SNAP23: variants seen among roughly 807,000 people sequenced by gnomAD.
SNAP23 encodes the protein synaptosome associated protein 23, also known as synaptosomal-associated protein 23.
Under a neutral mutation model 29.0 loss-of-function variants are expected in SNAP23, and 11 were observed. The observed-to-expected ratio is 0.38, with a 90% CI of 0.24 to 0.63. The LOEUF (loss-of-function observed/expected upper bound fraction) is 0.63. Ranked by LOEUF, SNAP23 falls within the 20% of genes least tolerant of loss-of-function variation. The probability of loss-of-function intolerance (pLI) is 0.58; values close to 1 mark genes in which losing one functional copy is unlikely to be tolerated. For missense variants in SNAP23, 220 were observed against 253.9 expected (o/e 0.87, Z 0.91); for synonymous variants, 60 against 82.9 (o/e 0.72, Z 1.50).
At chr15:42,524,167 ATTAT>A (rs1439899996) in intron 5 of SNAP23, among the ~76,000 whole-genome samples, 1 of 152,084 alleles carries the variant, frequency 6.6e-6, no homozygotes, top group Non-Finnish European at 1.5e-5. Flanking sequence ...TTCTAGATTA[ATTAT>A]TTAGTGCTCC....
At chr15:42,524,953 G>A (rs1269728161) in intron 5 of SNAP23, among the ~76,000 whole-genome samples, 2 of 152,112 alleles carry the variant, frequency 1.3e-5, no homozygotes, top group African/African-American at 2.4e-5. Flanking sequence ...GAGACGCACT[G>A]AACTGTCCCA....
chr15:42,525,209 A>C (rs1595529164), intron 5 of SNAP23, among the ~76,000 whole-genome samples: 1 of 151,930 alleles, frequency 6.6e-6, no homozygotes, highest in Middle Eastern at 3.4e-3. Context: ...TCTACTAAAA[A>C]TACAAAAAAT....
chr15:42,531,698 G>T lies in SNAP23; in HGVS notation c.*220G>T, dbSNP rs569518773. ...TAGTATTTTCTTTCTCAATTCATAC[G>T]CTTAGATTGGTTTTCATATGTCATG... On this transcript the variant is annotated 3_prime_UTR_variant, in exon 8 of 8. Coordinates refer to ENST00000249647, the MANE Select transcript of SNAP23 (RefSeq NM_003825.4). 1.2e-5 allele frequency: 5 copies of T among 401,568 alleles called. No homozygotes were observed. In the Admixed American group the frequency reaches 2.3e-4, roughly 18 times the overall value. The allele number at this position is 401,568 out of a possible 1,614,324, so 24.9% of individuals were successfully genotyped here. A position where few individuals can be genotyped will look rare whatever the true frequency, so the allele number is the denominator to read the frequency against.
At chr15:42,504,118 C>T (rs1177034907) in intron 1 of SNAP23, among the ~76,000 whole-genome samples, 4 of 151,498 alleles carry the variant, frequency 2.6e-5, no homozygotes, top group African/African-American at 9.7e-5. Flanking sequence ...TCACTTGAGG[C>T]CAGGAGTTTG....
chr15:42,498,993 T>C (rs1328019961), intron 1 of SNAP23, among the ~76,000 whole-genome samples: 2 of 152,192 alleles, frequency 1.3e-5, no homozygotes, highest in Non-Finnish European at 2.9e-5. Context: ...AATTCCTATA[T>C]GTATCTTGAT....
intron 5 of SNAP23, among the ~76,000 whole-genome samples, chr15:42,526,236 G>A (rs767973514): frequency 9.2e-5 from 14 of 151,648 alleles, no homozygotes; most frequent in Non-Finnish European, 2.1e-4. Flanking sequence ...ATTTTGCCTG[G>A]GACCTTTCTT....
intron 5 of SNAP23, among the ~76,000 whole-genome samples, chr15:42,520,661 A>AT (rs1433438141): frequency 6.6e-6 from 1 of 151,614 alleles, no homozygotes; most frequent in Non-Finnish European, 1.5e-5. Flanking sequence ...CACCTGGCTA[A>AT]TTTTTTGTAT....
chr15:42,525,382 A>T (rs1284698216), intron 5 of SNAP23, among the ~76,000 whole-genome samples: 1 of 150,670 alleles, frequency 6.6e-6, no homozygotes, highest in Non-Finnish European at 1.5e-5. Flanking sequence ...AAAAAAAAAA[A>T]AATTCAAAGT....
At chr15:42,528,096 C>A in intron 5 of SNAP23, 166 bp from the exon 6 acceptor site, 1 of 562,574 alleles carries the variant, frequency 1.8e-6, no homozygotes, top group Non-Finnish European at 3.1e-6. Flanking sequence ...TCATCTATTT[C>A]CTATTCCATA....
Position 42,521,332 on chromosome 15 carries a change from TTTTTGCCTTCTCTCA to T in SNAP23, c.266+5980_266+5994del, listed in dbSNP as rs1191571721. On this transcript the variant is annotated intron_variant, in intron 5 of 7. Transcript: ENST00000249647. ...AAGGAGTCTCAAAGCACTCCATTGG[TTTTTGCCTTCTCTCA>T]TATTGTCTAATTTTAGGAAAGAATA... is the stretch of plus-strand genomic sequence containing the variant. The T allele has an allele frequency of 1.8e-5, 6 of 336,180 alleles. No homozygotes were observed. In the East Asian group the frequency reaches 1.0e-3, roughly 57 times the overall value. 20.8% of individuals were successfully genotyped at this position (336,180 alleles called of 1,614,324 possible). A position where few individuals can be genotyped will look rare whatever the true frequency, so the allele number is the denominator to read the frequency against.
chr15:42,512,804 C>T, intron 2 of SNAP23, 151 bp from the exon 3 acceptor site: 1 of 613,448 alleles, frequency 1.6e-6, no homozygotes, highest in Non-Finnish European at 2.9e-6. Flanking sequence ...CCTGCCTCGG[C>T]CTCCCAAAGT....
chr15:42,499,603 T>C (rs2057251675), intron 1 of SNAP23, among the ~76,000 whole-genome samples: 1 of 152,214 alleles, frequency 6.6e-6, no homozygotes, highest in Non-Finnish European at 1.5e-5. Flanking sequence ...ATGGTTTTTA[T>C]GTATTTTATA....
chr15:42,494,353 T>C (rs1486725642), upstream of SNAP23, among the ~76,000 whole-genome samples: 1 of 151,732 alleles, frequency 6.6e-6, no homozygotes, highest in Admixed American at 6.6e-5. Context: ...AGGCTTCATC[T>C]TCCTTGATCC....
intron 1 of SNAP23, among the ~76,000 whole-genome samples, chr15:42,497,589 C>G (rs1249286907): frequency 6.6e-6 from 1 of 152,036 alleles, no homozygotes; most frequent in Non-Finnish European, 1.5e-5. Context: ...ATGATCCACC[C>G]ACCTCATCTT....
intron 1 of SNAP23, among the ~76,000 whole-genome samples, chr15:42,509,422 T>G (rs1318650136): frequency 2.6e-5 from 4 of 152,006 alleles, no homozygotes; most frequent in Non-Finnish European, 5.9e-5. Context: ...ACTAATGGCT[T>G]TAATCAAGGC....
chr15:42,513,967 C>A (rs1052119108), intron 4 of SNAP23, among the ~76,000 whole-genome samples: 25 of 150,714 alleles, frequency 1.7e-4, no homozygotes, highest in African/African-American at 6.0e-4. Context: ...GTGCCCACCA[C>A]CACACCCGGC....
Position 42,532,649 on chromosome 15 carries a change from A to G in SNAP23, c.*1171A>G, listed in dbSNP as rs1423543150. The G allele has an allele frequency of 1.3e-5, 2 of 152,624 alleles. No homozygotes were observed. Among genetic ancestry groups the G allele is most frequent in the African/African-American group, 2.4e-5 (1 of 41,452 alleles). The allele number at this position is 152,624 out of a possible 1,614,324, so 9.5% of individuals were successfully genotyped here. A position where few individuals can be genotyped will look rare whatever the true frequency, so the allele number is the denominator to read the frequency against. On this transcript the variant is annotated 3_prime_UTR_variant, in exon 8 of 8. Coordinates refer to ENST00000249647, the MANE Select transcript of SNAP23 (RefSeq NM_003825.4). Reference sequence around the variant, plus strand: ...AAGCAGGGCTTAAAATTTTTTGGAAAAGTTTGACAAAGCATACCACATGAA... The same window carrying G: ...AAGCAGGGCTTAAAATTTTTTGGAAGAGTTTGACAAAGCATACCACATGAA...
chr15:42,511,649 A>G (rs1288005864), intron 1 of SNAP23, among the ~76,000 whole-genome samples, 184 bp from the exon 2 acceptor site: 1 of 152,150 alleles, frequency 6.6e-6, no homozygotes, highest in Non-Finnish European at 1.5e-5. Context: ...TTAAACATTC[A>G]TTTAGCCTCT....
At chr15:42,522,716 T>TAAAAAAAAAAAAAAAAAAAAAAAAAAA (rs10553237) in intron 5 of SNAP23, among the ~76,000 whole-genome samples, 2 of 104,900 alleles carry the variant, frequency 1.9e-5, no homozygotes, top group African/African-American at 3.1e-5. Flanking sequence ...CAACCAAAAC[T>TAAAAAAAAAAAAAAAAAAAAAAAAAAA]AAAAAAAAAA....
Sources: gnomAD v4.1 joint callset for allele counts (sites outside exome capture counted in the v4.1 genomes callset) on GRCh38, gnomAD v4.1.1 for gene constraint, MANE v1.5 for transcripts, NCBI Gene and HGNC (gene_info 2026-07-23, HGNC 2026-07-21) for gene names.